PPP1R12B: variants seen among roughly 807,000 people sequenced by gnomAD.
The protein encoded by PPP1R12B is protein phosphatase 1 regulatory subunit 12B.
In PPP1R12B, 76 loss-of-function variants were observed where a neutral mutation model predicts 126.1. That is an observed-to-expected ratio of 0.60 (90% CI 0.50 to 0.73). The LOEUF (loss-of-function observed/expected upper bound fraction) is 0.73, where lower values mean the gene tolerates loss of function less well. PPP1R12B is among the 30% of genes least tolerant of loss of function. The pLI is 0.00. For missense variants in PPP1R12B, 1,052 were observed against 1,205.1 expected (o/e 0.87, Z 1.88); for synonymous variants, 356 against 434.7 (o/e 0.82, Z 2.25).
Position 202,488,533 on chromosome 1 carries a change from G to T in PPP1R12B, c.1851G>T (p.Arg617Ser), listed in dbSNP as rs751899270. The T allele has an allele frequency of 6.2e-7, 1 of 1,604,344 alleles. No individual in the cohort carries two copies. The highest frequency in any genetic ancestry group is 1.3e-5 in the African/African-American group (1 of 74,564). ...TGCTATTACTTTTTTTTCTCTGCAG[G>T]TCCTATCTGACTCCTGTACGGGATG... Reference protein sequence around the residue: ...DSSVEAREKRRSYLTPVRDEE... With the variant: ...DSSVEAREKRSSYLTPVRDEE... Residue 617 changes from arginine (R) to serine (S), a missense_variant and splice_region_variant, in exon 14 of 24, where the codon AGG (arginine) becomes AGT (serine). Coordinates refer to ENST00000608999, the MANE Select transcript of PPP1R12B (RefSeq NM_002481.4).
chr1:202,502,257 C>A, intron 18 of PPP1R12B: 1 of 983,402 alleles, frequency 1.0e-6, no homozygotes, highest in Non-Finnish European at 1.2e-6. Flanking sequence ...ATCAAGGTAC[C>A]TGCCTTAGAT....
intron 18 of PPP1R12B, among the ~76,000 whole-genome samples, chr1:202,513,956 T>C (rs536667196): frequency 6.6e-6 from 1 of 152,332 alleles, no homozygotes; most frequent in East Asian, 1.9e-4. Context: ...AGTTCTGCTT[T>C]TAGCTCTTGG....
At chr1:202,412,433 C>A (rs1571891676) in intron 1 of PPP1R12B, among the ~76,000 whole-genome samples, 1 of 152,294 alleles carries the variant, frequency 6.6e-6, no homozygotes, top group East Asian at 1.9e-4. Context: ...CAAGTTTTCT[C>A]CCGTTTGATA....
intron 1 of PPP1R12B, among the ~76,000 whole-genome samples, chr1:202,356,231 G>A (rs953123439): frequency 2.6e-5 from 4 of 152,104 alleles, no homozygotes; most frequent in African/African-American, 9.7e-5. Flanking sequence ...AGGTATCTAT[G>A]TGACTCAAGG....
intron 18 of PPP1R12B, among the ~76,000 whole-genome samples, chr1:202,522,654 A>T (rs1356183494): frequency 1.3e-5 from 2 of 152,178 alleles, no homozygotes; most frequent in Admixed American, 6.5e-5. Context: ...AGATAGTCAG[A>T]TTATCCTTCC....
At position 202,437,801 on chromosome 1, in the gene PPP1R12B, T is replaced by C. The variant is rs1436779371; in HGVS notation, c.1255-20T>C. ...ATCAGAGCCTTTATTTTTCATTTCTTTTATTTGCTTCTCTCATAGTTCTCT... is the reference window on the plus strand; with the variant it reads ...ATCAGAGCCTTTATTTTTCATTTCTCTTATTTGCTTCTCTCATAGTTCTCT... On this transcript the variant is annotated intron_variant, in intron 9 of 23. Coordinates refer to ENST00000608999, the MANE Select transcript of PPP1R12B (RefSeq NM_002481.4). 1 of 1,572,236 alleles carries C rather than the reference T, an allele frequency of 6.4e-7. No individual in the cohort carries two copies.
chr1:202,464,341 T>C (rs1388706470), intron 13 of PPP1R12B, among the ~76,000 whole-genome samples: 1 of 152,172 alleles, frequency 6.6e-6, no homozygotes, highest in Admixed American at 6.5e-5. Flanking sequence ...AATAAGCCCA[T>C]GTGTAGTGAT....
chr1:202,524,736 A>T (rs904445678), intron 18 of PPP1R12B, among the ~76,000 whole-genome samples: 2 of 152,122 alleles, frequency 1.3e-5, no homozygotes, highest in African/African-American at 4.8e-5. Context: ...TGTTGTGTGT[A>T]TATATATACC....
intron 13 of PPP1R12B, among the ~76,000 whole-genome samples, chr1:202,463,320 G>A (rs3767420): frequency 0.43 from 65,885 of 151,946 alleles, 15,668 homozygotes; most frequent in East Asian, 0.71. Flanking sequence ...AAAAGATTAG[G>A]GTAGCAGAGG....
At chr1:202,507,018 A>G (rs1387203448) in intron 18 of PPP1R12B, among the ~76,000 whole-genome samples, 2 of 152,342 alleles carry the variant, frequency 1.3e-5, no homozygotes, top group South Asian at 2.1e-4. Context: ...GTCTCCCTTG[A>G]CAGTCATAGA....
intron 1 of PPP1R12B, among the ~76,000 whole-genome samples, chr1:202,376,495 C>T (rs1226231971): frequency 6.6e-6 from 1 of 152,008 alleles, no homozygotes. Flanking sequence ...CAGCTGGAAG[C>T]AAACTGAAAG....
At chr1:202,504,009 A>G (rs1459441176) in intron 18 of PPP1R12B, among the ~76,000 whole-genome samples, 1 of 152,128 alleles carries the variant, frequency 6.6e-6, no homozygotes, top group Non-Finnish European at 1.5e-5. Flanking sequence ...CATGTCTGCA[A>G]ATGATCTGTT....
At chr1:202,351,579 A>G (rs1474113485) in intron 1 of PPP1R12B, among the ~76,000 whole-genome samples, 1 of 152,182 alleles carries the variant, frequency 6.6e-6, no homozygotes, top group East Asian at 1.9e-4. Context: ...ACTATTTTCA[A>G]ATGGGAGACT....
At chr1:202,425,789 C>G (rs1669425211) in intron 4 of PPP1R12B, 64 bp downstream of exon 4, 6 of 1,471,506 alleles carry the variant, frequency 4.1e-6, no homozygotes, top group African/African-American at 1.4e-5. Flanking sequence ...GTTTTGGAAG[C>G]AGAGGCTGAA....
chr1:202,574,673 G>A (rs1313438082), intron 23 of PPP1R12B, among the ~76,000 whole-genome samples: 1 of 152,178 alleles, frequency 6.6e-6, no homozygotes, highest in East Asian at 1.9e-4. Context: ...ATTTGGTTCA[G>A]AAGGCTCCAA....
At position 202,457,753 on chromosome 1, in the gene PPP1R12B, G is replaced by A. The variant is rs534860522; in HGVS notation, c.1850+8582G>A. Among the ~76,000 whole-genome samples, 26 of 152,220 alleles carry A rather than the reference G, an allele frequency of 1.7e-4. 1 individual carries two copies. Among genetic ancestry groups the A allele is most frequent in the Middle Eastern group, 6.8e-3 (2 of 292 alleles). On this transcript the variant is annotated intron_variant, in intron 13 of 23. Coordinates refer to ENST00000608999, the MANE Select transcript of PPP1R12B (RefSeq NM_002481.4). ...GGGTGACAAGGAAGGCCTACCAGAGGAGGTAACTGGAGTTGAATTTTGAAA... is the reference window on the plus strand; with the variant it reads ...GGGTGACAAGGAAGGCCTACCAGAGAAGGTAACTGGAGTTGAATTTTGAAA...
intron 1 of PPP1R12B, among the ~76,000 whole-genome samples, chr1:202,376,094 G>A (rs1275902786): frequency 1.3e-5 from 2 of 152,200 alleles, no homozygotes; most frequent in African/African-American, 4.8e-5. Context: ...GAGCAGTGAG[G>A]TGTTCCAGTT....
intron 18 of PPP1R12B, among the ~76,000 whole-genome samples, chr1:202,519,830 CAT>C (rs953404673): frequency 1.2e-4 from 18 of 152,118 alleles, no homozygotes; most frequent in African/African-American, 4.3e-4. Context: ...TAGAAACAGA[CAT>C]GTTTGTAGAA....
At chr1:202,358,607 G>A (rs976567848) in intron 1 of PPP1R12B, among the ~76,000 whole-genome samples, 3 of 151,836 alleles carry the variant, frequency 2.0e-5, no homozygotes, top group Non-Finnish European at 4.4e-5. Flanking sequence ...ACTTGAACCC[G>A]GGAGGTGGAG....
Sources: allele counts gnomAD v4.1 joint callset (sites outside exome capture counted in the v4.1 genomes callset), GRCh38; gene constraint gnomAD v4.1.1; transcripts MANE v1.5; gene names NCBI Gene and HGNC (gene_info 2026-07-23, HGNC 2026-07-21).